Variants in CSMD1 observed in about 807,000 individuals in gnomAD.
CSMD1 encodes CUB and Sushi multiple domains 1, also known as CUB and sushi domain-containing protein 1.
Under a neutral mutation model 417.5 loss-of-function variants are expected in CSMD1, and 213 were observed. That is an observed-to-expected ratio of 0.51 (90% confidence interval 0.46 to 0.57). CSMD1 has a LOEUF of 0.57. Among genes scored for constraint, CSMD1 ranks in the 20% least tolerant of loss-of-function variants. The pLI is 0.00. For synonymous variants in CSMD1, 2,862 were observed against 1,736.8 expected (o/e 1.65, Z -16.11); for missense variants, 6,923 against 4,529.7 (o/e 1.53, Z -15.17).
At chr8:3,509,464 C>T (rs1410214688) in intron 10 of CSMD1, among the ~76,000 whole-genome samples, 1 of 152,162 alleles carries the variant, frequency 6.6e-6, no homozygotes, top group African/African-American at 2.4e-5. Context: ...AGGAGTCTTG[C>T]ACAAGTCGTT....
intron 3 of CSMD1, among the ~76,000 whole-genome samples, chr8:4,141,114 C>G (rs764711560): frequency 2.7e-4 from 41 of 151,316 alleles, no homozygotes; most frequent in Non-Finnish European, 3.7e-4. Flanking sequence ...ATAGGTCTCA[C>G]TTACCTATGT....
intron 10 of CSMD1, 42 bp downstream of exon 10, chr8:3,574,903 T>A: frequency 6.2e-7 from 1 of 1,603,490 alleles, no homozygotes; most frequent in Non-Finnish European, 8.5e-7. Flanking sequence ...CCTATAAGAG[T>A]GCTGTGTGCA....
At chr8:4,402,966 C>T (rs1338525388) in intron 3 of CSMD1, among the ~76,000 whole-genome samples, 1 of 151,624 alleles carries the variant, frequency 6.6e-6, no homozygotes, top group Non-Finnish European at 1.5e-5. Context: ...ACTACAGGTA[C>T]CTGCCACCAT....
At chr8:4,474,810 T>A (rs917662091) in intron 2 of CSMD1, among the ~76,000 whole-genome samples, 5 of 152,158 alleles carry the variant, frequency 3.3e-5, no homozygotes, top group Non-Finnish European at 5.9e-5. Flanking sequence ...GAGGAAGAAT[T>A]TTGTGACCCC....
In CSMD1 at chr8:3,805,822, C is replaced by A. The variant is rs180919753; in HGVS notation, c.819-51780G>T. Among the ~76,000 whole-genome samples, 3 of 152,278 alleles carry A rather than the reference C, an allele frequency of 2.0e-5. No homozygotes were observed. In the South Asian group the frequency reaches 6.2e-4, roughly 32 times the overall value. On this transcript the variant is annotated intron_variant, in intron 5 of 69. Coordinates refer to ENST00000635120, the MANE Select transcript of CSMD1 (RefSeq NM_033225.6). ...ACTCTGTGCAGAATTACCATTCAAG[C>A]CTTTTCAACTTCCTTTATGACAAAA... is the stretch of plus-strand genomic sequence containing the variant.
rs551064112 is a variant in CSMD1, at chr8:3,796,738, A to G, written c.819-42696T>C. On this transcript the variant is annotated intron_variant, in intron 5 of 69. Transcript: ENST00000635120. Reference sequence around the variant, plus strand: ...AAACAATTCTATATGTCACCTTGTTATAGGTGGTTGCAATTATACAAAATA... The same window carrying G: ...AAACAATTCTATATGTCACCTTGTTGTAGGTGGTTGCAATTATACAAAATA... 1.8e-3 allele frequency among the ~76,000 whole-genome samples: 269 copies of G among 151,158 alleles called. 1 individual carries two copies. Among genetic ancestry groups the G allele is most frequent in the African/African-American group, 6.2e-3 (257 of 41,422 alleles).
intron 3 of CSMD1, among the ~76,000 whole-genome samples, chr8:4,044,682 C>G (rs143479283): frequency 0.011 from 750 of 66,734 alleles, 7 homozygotes; most frequent in African/African-American, 0.032. Flanking sequence ...CCCTGGCCAC[C>G]TACAATCCTG....
At chr8:4,345,878 G>C (rs1307612741) in intron 3 of CSMD1, among the ~76,000 whole-genome samples, 3 of 152,140 alleles carry the variant, frequency 2.0e-5, no homozygotes, top group South Asian at 2.1e-4. Context: ...CTGACAGGCA[G>C]ACAGGTGATG....
intron 1 of CSMD1, among the ~76,000 whole-genome samples, chr8:4,794,812 G>T (rs549891829): frequency 6.6e-6 from 1 of 152,114 alleles, no homozygotes; most frequent in African/African-American, 2.4e-5. Context: ...AGCACTCAAT[G>T]GTCCAAGTTA....
intron 3 of CSMD1, among the ~76,000 whole-genome samples, chr8:4,053,334 C>A (rs1173438045): frequency 6.6e-6 from 1 of 152,036 alleles, no homozygotes; most frequent in Non-Finnish European, 1.5e-5. Flanking sequence ...ATCAGACTGA[C>A]CTTTAGTTAG....
rs766759286 is a variant in CSMD1 at position 3,118,594 on chromosome 8, GAAAC to G, written c.6242-11_6242-8del. On this transcript the variant is annotated splice_region_variant and splice_polypyrimidine_tract_variant and intron_variant, in intron 41 of 69. Transcript: ENST00000635120. ...CAGTTCTGTAATTCATAGGCTGAAAGAAACAAACAGACAAAATAAAGCTTATATT... is the reference window on the plus strand; with the variant it reads ...CAGTTCTGTAATTCATAGGCTGAAAGAAACAGACAAAATAAAGCTTATATT... 12 of 1,608,142 alleles carry G rather than the reference GAAAC, an allele frequency of 7.5e-6. No homozygotes were observed. The highest frequency in any genetic ancestry group is 1.3e-5 in the African/African-American group (1 of 74,684).
At position 4,994,493 on chromosome 8, in the gene CSMD1, T is replaced by C. The variant is rs1811652499; in HGVS notation, c.-77A>G. 14 of 1,344,766 alleles carry C rather than the reference T, an allele frequency of 1.0e-5. No homozygotes were observed. In the Admixed American group the frequency reaches 1.1e-4, roughly 11 times the overall value. 83.3% of individuals were successfully genotyped at this position (1,344,766 alleles called of 1,614,324 possible). ...CAGGGCTATGAGCGGAGCCAAATAATCACCCGAGGGCAAGGCGAGCCGGAG... is the reference window on the plus strand; with the variant it reads ...CAGGGCTATGAGCGGAGCCAAATAACCACCCGAGGGCAAGGCGAGCCGGAG... On this transcript the variant is annotated 5_prime_UTR_variant, in exon 1 of 70. It removes the in-frame stop codon of an upstream open reading frame in the 5' UTR. Transcript: ENST00000635120.
intron 3 of CSMD1, among the ~76,000 whole-genome samples, chr8:4,099,442 T>C (rs10503234): frequency 0.2 from 30,184 of 152,008 alleles, 3,208 homozygotes; most frequent in East Asian, 0.33. Context: ...TCAGTTCTAA[T>C]ACACCATTCC....
chr8:4,120,524 T>A (rs914126118), intron 3 of CSMD1, among the ~76,000 whole-genome samples: 1 of 152,174 alleles, frequency 6.6e-6, no homozygotes, highest in Non-Finnish European at 1.5e-5. Context: ...ATTTCTATAT[T>A]TGGCATCTTC....
intron 3 of CSMD1, among the ~76,000 whole-genome samples, chr8:4,337,765 G>C (rs10102768): frequency 6.6e-6 from 1 of 151,982 alleles, no homozygotes; most frequent in Non-Finnish European, 1.5e-5. Context: ...TTTACATTGG[G>C]CTGGAGTTAT....
chr8:3,306,947 A>T (rs1000568775), intron 25 of CSMD1, among the ~76,000 whole-genome samples: 1 of 152,058 alleles, frequency 6.6e-6, no homozygotes, highest in South Asian at 2.1e-4. Flanking sequence ...AAATGTTCAC[A>T]TCATTTTCTG....
chr8:3,041,984 A>C lies in CSMD1; in HGVS notation c.7660+10478T>G, dbSNP rs200229121. ...ATTGGCCACCCTTCATCTCTGGGAA[A>C]CATCAGCTCTGGAAGGCACAGAAGC... On this transcript the variant is annotated intron_variant, in intron 50 of 69. Transcript: ENST00000635120. Among the ~76,000 whole-genome samples the C allele has an allele frequency of 8.5e-5, 13 of 152,300 alleles. No individual in the cohort carries two copies. The East Asian group carries it at 2.3e-3, about 27-fold the overall frequency.
intron 3 of CSMD1, among the ~76,000 whole-genome samples, chr8:4,092,966 G>C (rs996459420): frequency 2.0e-5 from 3 of 152,062 alleles, no homozygotes; most frequent in African/African-American, 7.3e-5. Flanking sequence ...CTCTCTGTGT[G>C]GGGAGTATCT....
At chr8:3,134,912 G>T (rs554801420) in intron 41 of CSMD1, among the ~76,000 whole-genome samples, 2 of 152,132 alleles carry the variant, frequency 1.3e-5, no homozygotes, top group Non-Finnish European at 2.9e-5. Context: ...CACACCATAC[G>T]TAACAGTTAT....
Sources: gnomAD v4.1 joint callset for allele counts (sites outside exome capture counted in the v4.1 genomes callset) on GRCh38, gnomAD v4.1.1 for gene constraint, MANE v1.5 for transcripts, NCBI Gene and HGNC (gene_info 2026-07-23, HGNC 2026-07-21) for gene names.